The following HDGFL2 variants were observed in gnomAD, a reference collection of about 807,000 sequenced individuals.
HDGFL2 encodes hepatoma-derived growth factor-related protein 2.
A neutral mutation model predicts 77.1 loss-of-function variants in HDGFL2; 36 were observed. The ratio of observed to expected loss-of-function variants is 0.47; its 90% CI spans 0.36 to 0.62. The LOEUF (loss-of-function observed/expected upper bound fraction) is 0.62. Ranked by LOEUF, HDGFL2 falls within the 20% of genes least tolerant of loss-of-function variation. HDGFL2 has a pLI of 0.00. For synonymous variants in HDGFL2, 463 were observed against 413.1 expected, an observed-to-expected ratio of 1.12 and a Z score of -1.46; for missense variants, 976 against 973.4, an observed-to-expected ratio of 1.00 and a Z score of -0.04.
Position 4,497,524 on chromosome 19 carries a change from A to T in HDGFL2, c.1329-434A>T, listed in dbSNP as rs756710556. The T allele has an allele frequency of 2.8e-4, 86 of 304,164 alleles. 1 individual carries two copies. The highest frequency in any genetic ancestry group is 3.8e-4 in the Admixed American group (8 of 20,866). The allele number at this position is 304,164 out of a possible 1,614,324, so 18.8% of individuals were successfully genotyped here. A position where few individuals can be genotyped will look rare whatever the true frequency, so the allele number is the denominator to read the frequency against. ...CCAGCCCACTTTCTAAATGGCCTTG[A>T]GTGGGCAAACCTGCCCATGAGAATT... is the stretch of plus-strand genomic sequence containing the variant. On this transcript the variant is annotated intron_variant, in intron 10 of 15. Transcript: ENST00000616600.
At chr19:4,488,259 C>T (rs1248359138) in intron 3 of HDGFL2, among the ~76,000 whole-genome samples, 1 of 152,242 alleles carries the variant, frequency 6.6e-6, no homozygotes, top group Non-Finnish European at 1.5e-5. Context: ...GCGTGAGCCT[C>T]CGCGCCCGGC....
At chr19:4,478,535 C>G (rs1292994763) in intron 3 of HDGFL2, among the ~76,000 whole-genome samples, 1 of 152,000 alleles carries the variant, frequency 6.6e-6, no homozygotes, top group East Asian at 1.9e-4. Flanking sequence ...AGCGCAACTA[C>G]TAATGCCACC....
Position 4,498,923 on chromosome 19 carries a change from G to C in HDGFL2, c.1575+8G>C, listed in dbSNP as rs75716273. On this transcript the variant is annotated splice_region_variant and intron_variant, in intron 13 of 15. Coordinates refer to ENST00000616600, the MANE Select transcript of HDGFL2 (RefSeq NM_001001520.3). ...GTGGCCACCTTGAAGAAGGTATGGCGGGGGAATCAGAGGCGCAGGGTGCAG... is the reference window on the plus strand; with the variant it reads ...GTGGCCACCTTGAAGAAGGTATGGCCGGGGAATCAGAGGCGCAGGGTGCAG... 668 of 1,586,594 alleles carry C rather than the reference G, an allele frequency of 4.2e-4. 11 individuals carry two copies. The East Asian group carries it at 0.014, about 34-fold the overall frequency.
At chr19:4,492,853 C>CTGTG (rs1193142378) in intron 6 of HDGFL2, among the ~76,000 whole-genome samples, 1 of 107,794 alleles carries the variant, frequency 9.3e-6, no homozygotes, top group South Asian at 2.7e-4. Flanking sequence ...TGTGTGTTGT[C>CTGTG]TGTGTGTGTG....
Position 4,488,918 on chromosome 19 carries a change from C to T in HDGFL2, c.489+42C>T, listed in dbSNP as rs372310572. 9 of 1,462,856 alleles carry T rather than the reference C, an allele frequency of 6.2e-6. No individual in the cohort carries two copies. The African/African-American group carries it at 9.9e-5, about 16-fold the overall frequency. 90.6% of individuals were successfully genotyped at this position (1,462,856 alleles called of 1,614,324 possible). A position where few individuals can be genotyped will look rare whatever the true frequency, so the allele number is the denominator to read the frequency against. Reference sequence around the variant, plus strand: ...GTGGGCTGGCCCTTCATCCCCTTGCCCTGATGTCTCGCCTGGCAGCTTGCT... The same window carrying T: ...GTGGGCTGGCCCTTCATCCCCTTGCTCTGATGTCTCGCCTGGCAGCTTGCT... On this transcript the variant is annotated intron_variant, in intron 4 of 15. Transcript: ENST00000616600.
chr19:4,486,776 G>A (rs542412470), intron 3 of HDGFL2, among the ~76,000 whole-genome samples: 23 of 152,056 alleles, frequency 1.5e-4, no homozygotes, highest in African/African-American at 5.3e-4. Flanking sequence ...ATCTCCACCC[G>A]CTTCTCTGTG....
intron 15 of HDGFL2, chr19:4,501,599 C>T: frequency 2.1e-6 from 1 of 477,610 alleles, no homozygotes; most frequent in Non-Finnish European, 3.7e-6. Context: ...GGTAGGTAGG[C>T]CCCGAGCACG....
rs200105993 is a variant in HDGFL2, at chr19:4,501,316, G to T, written c.1915G>T (p.Asp639Tyr). The change falls in exon 15 of 16, where the codon GAC (aspartate) becomes TAC (tyrosine). Residue 639 changes from aspartate to tyrosine, a missense_variant and splice_region_variant. This residue lies in a region of HDGFL2 where 229 missense variants were observed against 187.3 expected (regional missense o/e 1.22). Transcript: ENST00000616600. ...GTGTGGCTCCTCTGAAGACCTGCAC[G>T]AGTGAGTGTCCCGGGCCGTGGGGTT... ...PRCGSSEDLHDSVREGPDLDR... is the reference protein window; with the variant it reads ...PRCGSSEDLHYSVREGPDLDR... 5 of 1,595,894 alleles carry T rather than the reference G, an allele frequency of 3.1e-6. No homozygotes were observed. The highest frequency in any genetic ancestry group is 2.7e-5 in the African/African-American group (2 of 74,684).
At chr19:4,499,997 C>T (rs573712471) in intron 14 of HDGFL2, among the ~76,000 whole-genome samples, 331 of 152,088 alleles carry the variant, frequency 2.2e-3, no homozygotes, top group African/African-American at 7.4e-3. Context: ...CGTCTCCCAC[C>T]CTGGGACGCC....
intron 3 of HDGFL2, among the ~76,000 whole-genome samples, chr19:4,481,695 A>C (rs1975222218): frequency 6.7e-6 from 1 of 148,168 alleles, no homozygotes; most frequent in African/African-American, 2.5e-5. Context: ...GACCTCAGGC[A>C]GTCCTCCTTC....
At chr19:4,492,473 C>T (rs1036768252) in intron 6 of HDGFL2, among the ~76,000 whole-genome samples, 5 of 151,242 alleles carry the variant, frequency 3.3e-5, no homozygotes, top group Admixed American at 3.3e-4. Context: ...GTGTGTGTGC[C>T]TGTGTGTCCA....
chr19:4,480,466 C>T (rs1323051629), intron 3 of HDGFL2, among the ~76,000 whole-genome samples: 2 of 152,188 alleles, frequency 1.3e-5, no homozygotes, highest in Admixed American at 6.5e-5. Flanking sequence ...CACCTGTAAT[C>T]CCAGCACTTT....
intron 9 of HDGFL2, among the ~76,000 whole-genome samples, chr19:4,495,469 CAGG>C (rs1489989134): frequency 6.6e-6 from 1 of 150,442 alleles, no homozygotes; most frequent in African/African-American, 2.4e-5. Context: ...ACATTCTAGG[CAGG>C]AGAAGCAGCT....
chr19:4,482,399 G>A (rs1380797845), intron 3 of HDGFL2, among the ~76,000 whole-genome samples: 1 of 151,922 alleles, frequency 6.6e-6, no homozygotes, highest in Admixed American at 6.6e-5. Flanking sequence ...TAGTAGAGAT[G>A]GGGTTTCACC....
At chr19:4,499,814 C>G in intron 14 of HDGFL2, 110 bp downstream of exon 14, 1 of 898,300 alleles carries the variant, frequency 1.1e-6, no homozygotes, top group African/African-American at 1.7e-5. Context: ...TGCCCCAAAC[C>G]TGCCAGAGTG....
intron 1 of HDGFL2, chr19:4,475,033 G>A (rs1975035827): frequency 5.7e-6 from 3 of 528,360 alleles, no homozygotes; most frequent in Admixed American, 6.5e-5. Flanking sequence ...TTGCTCAGGT[G>A]GAGCACCTGC....
chr19:4,474,207 C>T (rs1975013191), intron 1 of HDGFL2, among the ~76,000 whole-genome samples: 1 of 151,786 alleles, frequency 6.6e-6, no homozygotes, highest in South Asian at 2.1e-4. Flanking sequence ...GCTGGGGCAG[C>T]AGGGAGGGGC....
chr19:4,474,693 T>TC (rs1222138354), intron 1 of HDGFL2, among the ~76,000 whole-genome samples: 11 of 151,816 alleles, frequency 7.2e-5, no homozygotes, highest in Admixed American at 3.3e-4. Context: ...CTCTCCCCCG[T>TC]CCCCCCTTCT....
At chr19:4,490,236 C>T (rs142034785) in intron 4 of HDGFL2, among the ~76,000 whole-genome samples, 71 of 152,288 alleles carry the variant, frequency 4.7e-4, no homozygotes, top group South Asian at 6.2e-4. Context: ...TACAGGGGCC[C>T]GCTACCACGT....
Sources: gnomAD v4.1 joint callset for allele counts (sites outside exome capture counted in the v4.1 genomes callset) on GRCh38, gnomAD v4.1.1 for gene constraint, gnomAD v4.1.1 regional missense constraint, MANE v1.5 for transcripts, NCBI Gene and HGNC (gene_info 2026-07-23, HGNC 2026-07-21) for gene names.